MARK1: variants seen among roughly 807,000 people sequenced by gnomAD.
MARK1 encodes microtubule affinity regulating kinase 1, also known as serine/threonine-protein kinase MARK1.
A neutral mutation model predicts 96.3 loss-of-function variants in MARK1; 40 were observed. The ratio of observed to expected loss-of-function variants is 0.42; its 90% CI spans 0.32 to 0.54. The LOEUF is 0.54. Among genes scored for constraint, MARK1 ranks in the 20% least tolerant of loss-of-function variants. The probability of loss-of-function intolerance (pLI) is 0.16; values close to 1 mark genes in which losing one functional copy is unlikely to be tolerated. For missense variants in MARK1, 719 were observed against 984.6 expected, an observed-to-expected ratio of 0.73 and a Z score of 3.61; for synonymous variants, 317 against 341.2, an observed-to-expected ratio of 0.93 and a Z score of 0.78.
chr1:220,534,543 C>A (rs946742075), intron 1 of MARK1, among the ~76,000 whole-genome samples: 1 of 152,046 alleles, frequency 6.6e-6, no homozygotes, highest in African/African-American at 2.4e-5. Context: ...ATATTTGTCT[C>A]TCTGTACTTG....
chr1:220,608,521 A>T (rs947650223), intron 6 of MARK1, among the ~76,000 whole-genome samples: 3 of 152,024 alleles, frequency 2.0e-5, no homozygotes, highest in Non-Finnish European at 4.4e-5. Flanking sequence ...GGATTCATTG[A>T]TTTTTTTGAA....
At chr1:220,574,880 T>C (rs1281757315) in intron 1 of MARK1, among the ~76,000 whole-genome samples, 1 of 152,198 alleles carries the variant, frequency 6.6e-6, no homozygotes, top group Admixed American at 6.5e-5. Context: ...TATGCAAAAA[T>C]AGCATATTCC....
intron 3 of MARK1, among the ~76,000 whole-genome samples, chr1:220,593,251 A>G (rs562026549): frequency 6.6e-6 from 1 of 152,318 alleles, no homozygotes; most frequent in South Asian, 2.1e-4. Context: ...TTTTTAAAAA[A>G]TTATGTTCAA....
intron 9 of MARK1, chr1:220,627,861 C>G (rs902530104): frequency 2.0e-5 from 3 of 153,048 alleles, no homozygotes; most frequent in African/African-American, 7.2e-5. Flanking sequence ...AATGTAACAT[C>G]AGCCATTTTT....
chr1:220,662,245 T>C lies in MARK1; in HGVS notation c.*79T>C. The C allele has an allele frequency of 1.8e-6, 2 of 1,081,208 alleles. No homozygotes were observed. Among genetic ancestry groups the C allele is most frequent in the Non-Finnish European group, 2.7e-6 (2 of 751,044 alleles). 67.0% of individuals were successfully genotyped at this position (1,081,208 alleles called of 1,614,324 possible). A position where few individuals can be genotyped will look rare whatever the true frequency, so the allele number is the denominator to read the frequency against. On this transcript the variant is annotated 3_prime_UTR_variant, in exon 18 of 18. Transcript: ENST00000366917. The stretch of plus-strand genomic sequence containing the variant: ...TTTTGAATGTACTGGTAATGCCTAA[T>C]GTGGTCTGCCTGTGAATCTCCCCAT...
chr1:220,587,325 T>G (rs34490711), intron 3 of MARK1, among the ~76,000 whole-genome samples: 3 of 76,400 alleles, frequency 3.9e-5, no homozygotes, highest in Non-Finnish European at 8.6e-5. Flanking sequence ...CTCTCTCTCT[T>G]TCTTTCTCTC....
At chr1:220,574,633 T>C (rs186563426) in intron 1 of MARK1, among the ~76,000 whole-genome samples, 1 of 152,320 alleles carries the variant, frequency 6.6e-6, no homozygotes, top group East Asian at 1.9e-4. Flanking sequence ...CCTTAAGACT[T>C]TGCCTGCTTT....
chr1:220,531,010 G>A (rs1459902783), intron 1 of MARK1, among the ~76,000 whole-genome samples: 1 of 152,168 alleles, frequency 6.6e-6, no homozygotes, highest in African/African-American at 2.4e-5. Context: ...TCCCTGCAAG[G>A]AGCTTACAGA....
At chr1:220,529,323 C>G (rs754291990) in intron 1 of MARK1, among the ~76,000 whole-genome samples, 2 of 152,206 alleles carry the variant, frequency 1.3e-5, no homozygotes, top group Non-Finnish European at 2.9e-5. Flanking sequence ...CTCCTCCCCC[C>G]GCATTGCCCC....
chr1:220,656,506 G>A (rs924798036), intron 16 of MARK1, among the ~76,000 whole-genome samples: 7 of 152,178 alleles, frequency 4.6e-5, no homozygotes, highest in African/African-American at 1.7e-4. Context: ...TCTTAGCAGT[G>A]GGAGTCAACA....
At chr1:220,597,319 G>A (rs944401418) in intron 3 of MARK1, among the ~76,000 whole-genome samples, 6 of 151,732 alleles carry the variant, frequency 4.0e-5, no homozygotes, top group South Asian at 2.1e-4. Context: ...AGGCTTTATC[G>A]TTTGTCATTC....
Position 220,528,204 on chromosome 1 carries a change from T to G in MARK1, c.-619T>G, listed in dbSNP as rs925235052. ...GCCCGCTGCTCCGCGCGCAGCCGGCTCGGGCCGCTCCTCCTGACTGAGGCG... is the reference window on the plus strand; with the variant it reads ...GCCCGCTGCTCCGCGCGCAGCCGGCGCGGGCCGCTCCTCCTGACTGAGGCG... On this transcript the variant is annotated 5_prime_UTR_variant, in exon 1 of 18. Transcript: ENST00000366917. 7 of 150,134 alleles carry G rather than the reference T, an allele frequency of 4.7e-5. No individual in the cohort carries two copies. The highest frequency in any genetic ancestry group is 8.9e-5 in the Non-Finnish European group (6 of 67,352). 9.3% of individuals were successfully genotyped at this position (150,134 alleles called of 1,614,324 possible). A position where few individuals can be genotyped will look rare whatever the true frequency, so the allele number is the denominator to read the frequency against.
At position 220,636,003 on chromosome 1, in the gene MARK1, A is replaced by G; in HGVS notation, c.1447A>G (p.Lys483Glu). Residue 483 changes from lysine (K) to glutamate (E), a missense_variant, in exon 13 of 18, where the codon AAA becomes GAA. This residue lies in a region of MARK1 where 501 missense variants were observed against 588.3 expected (regional missense o/e 0.85). Coordinates refer to ENST00000366917, the MANE Select transcript of MARK1 (RefSeq NM_018650.5). ...TASPLVGPER[K>E]KSSTIPSNNV... The stretch of plus-strand genomic sequence containing the variant: ...AAGCCCTCTTGTAGGGCCAGAGAGG[A>G]AAAAATCTTCAACTATTCCAAGTGT... 1 of 1,611,408 alleles carries G rather than the reference A, an allele frequency of 6.2e-7. No individual in the cohort carries two copies. The highest frequency in any genetic ancestry group is 8.5e-7 in the Non-Finnish European group (1 of 1,179,038).
intron 14 of MARK1, 127 bp downstream of exon 14, chr1:220,650,847 C>G: frequency 1.6e-6 from 1 of 615,456 alleles, no homozygotes; most frequent in African/African-American, 1.9e-5. Context: ...AGATTGCAAC[C>G]AACCGTTCTT....
At chr1:220,589,914 T>C (rs1473954128) in intron 3 of MARK1, among the ~76,000 whole-genome samples, 1 of 152,214 alleles carries the variant, frequency 6.6e-6, no homozygotes. Context: ...AATAATTAAC[T>C]TTTTAAAGAA....
rs550448159 is a variant in MARK1, at chr1:220,535,969, A to C, written c.51+7096A>C. On this transcript the variant is annotated intron_variant, in intron 1 of 17. Transcript: ENST00000366917. ...GAGGCTTCTAACTTTGTTCTTTCTG[A>C]AGATTGTTTAGGCCATTCAGGGTCC... is the stretch of plus-strand genomic sequence containing the variant. 4.3e-4 allele frequency among the ~76,000 whole-genome samples: 65 copies of C among 152,200 alleles called. 1 individual carries two copies. The highest frequency in any genetic ancestry group is 4.6e-4 in the Admixed American group (7 of 15,282).
At chr1:220,615,808 T>G in intron 6 of MARK1, 131 bp from the exon 7 acceptor site, 1 of 560,382 alleles carries the variant, frequency 1.8e-6, no homozygotes, top group Non-Finnish European at 3.2e-6. Context: ...TTTTCTGAAC[T>G]AAAAGCATTG....
At position 220,528,193 on chromosome 1, in the gene MARK1, G is replaced by A. The variant is rs1660034614; in HGVS notation, c.-630G>A. 1 of 150,388 alleles carries A rather than the reference G, an allele frequency of 6.6e-6. No homozygotes were observed. Among genetic ancestry groups the A allele is most frequent in the African/African-American group, 2.4e-5 (1 of 41,248 alleles). The allele number at this position is 150,388 out of a possible 1,614,324, so 9.3% of individuals were successfully genotyped here. On this transcript the variant is annotated 5_prime_UTR_variant, in exon 1 of 18. Coordinates refer to ENST00000366917, the MANE Select transcript of MARK1 (RefSeq NM_018650.5). The stretch of plus-strand genomic sequence containing the variant: ...CTGCGTGCCGCGCCCGCTGCTCCGC[G>A]CGCAGCCGGCTCGGGCCGCTCCTCC...
At chr1:220,589,863 C>T (rs531336473) in intron 3 of MARK1, among the ~76,000 whole-genome samples, 1 of 152,258 alleles carries the variant, frequency 6.6e-6, no homozygotes, top group East Asian at 1.9e-4. Context: ...TTAAAATTAC[C>T]TCTATTTTTT....
Sources: allele counts gnomAD v4.1 joint callset (sites outside exome capture counted in the v4.1 genomes callset), GRCh38; gene constraint gnomAD v4.1.1; regional missense constraint gnomAD v4.1.1; transcripts MANE v1.5; gene names NCBI Gene and HGNC (gene_info 2026-07-23, HGNC 2026-07-21).